Variants in DNAH2 observed in about 807,000 individuals in gnomAD.
DNAH2 encodes axonemal beta dynein heavy chain 2.
A neutral mutation model predicts 523.5 loss-of-function variants in DNAH2; 323 were observed. The observed-to-expected ratio is 0.62, with a 90% CI of 0.56 to 0.68. The LOEUF is 0.68. DNAH2 is among the 30% of genes least tolerant of loss of function. The pLI, the probability that DNAH2 is intolerant of heterozygous loss-of-function variation, is 0.00. For synonymous variants in DNAH2, 2,093 were observed against 2,177.4 expected, an observed-to-expected ratio of 0.96 and a Z score of 1.08; for missense variants, 4,907 against 5,701.5, an observed-to-expected ratio of 0.86 and a Z score of 4.49.
At chr17:7,739,966 C>T (rs868077218) in intron 9 of DNAH2, 28 bp downstream of exon 9, 10 of 1,604,436 alleles carry the variant, frequency 6.2e-6, no homozygotes, top group South Asian at 2.2e-5. Context: ...TGATGCCAGG[C>T]GTGGGCAGGG....
chr17:7,743,259 G>C (rs1276076820), intron 12 of DNAH2, 117 bp downstream of exon 12: 1 of 1,108,306 alleles, frequency 9.0e-7, no homozygotes, highest in Non-Finnish European at 1.3e-6. Context: ...CATACAATAT[G>C]TTTGCTATCG....
At chr17:7,794,491 T>C in intron 49 of DNAH2, 133 bp downstream of exon 49, 1 of 698,422 alleles carries the variant, frequency 1.4e-6, no homozygotes, top group South Asian at 2.2e-5. Context: ...GCTGGGACGA[T>C]CCGTAAGGGC....
intron 24 of DNAH2, 88 bp from the exon 25 acceptor site, chr17:7,770,164 C>T (rs1597600692): frequency 6.9e-7 from 1 of 1,457,608 alleles, no homozygotes; most frequent in Non-Finnish European, 9.1e-7. Context: ...GAATTGGTAA[C>T]TATGCAGAAT....
Position 7,760,837 on chromosome 17 carries a change from G to A in DNAH2, c.2883G>A (p.Met961Ile), listed in dbSNP as rs866224371. Reference protein sequence around the residue: ...LLQNYLKTWDMYREIWEINKD... With the variant: ...LLQNYLKTWDIYREIWEINKD... ...AGAACTACCTCAAGACCTGGGACAT[G>A]TACCGGGAGATCTGGGAGATCAACA... The change falls in exon 18 of 86, where the codon ATG becomes ATA. Residue 961 changes from methionine to isoleucine, a missense_variant. By Grantham distance (10) the Met-to-Ile change is conservative (BLOSUM62 1). Coordinates refer to ENST00000572933, the MANE Select transcript of DNAH2 (RefSeq NM_020877.5). This position sits in a 1 kb window ranked among gnomAD's most constrained non-coding sequence, Gnocchi z 4.0. 2 of 1,614,212 alleles carry A rather than the reference G, an allele frequency of 1.2e-6. No homozygotes were observed. The highest frequency in any genetic ancestry group is 8.5e-7 in the Non-Finnish European group (1 of 1,180,050).
intron 13 of DNAH2, 48 bp from the exon 14 acceptor site, chr17:7,758,447 A>G: frequency 6.3e-7 from 1 of 1,575,874 alleles, no homozygotes; most frequent in Non-Finnish European, 8.6e-7. Flanking sequence ...TGGAGGAAAG[A>G]TCTTCAGGGC....
Position 7,760,720 on chromosome 17 carries a change from T to A in DNAH2, c.2786-20T>A. The A allele has an allele frequency of 6.2e-7, 1 of 1,603,788 alleles. No individual in the cohort carries two copies. On this transcript the variant is annotated intron_variant, in intron 17 of 85. Transcript: ENST00000572933. This position sits in a 1 kb window ranked among gnomAD's most constrained non-coding sequence, Gnocchi z 4.0. ...TTGGGGTGGAAGTCAGTGAGAAGCA[T>A]CTTTCTTGGTCCTTTGAAGAGCAAG...
At position 7,731,197 on chromosome 17, in the gene DNAH2, T is replaced by C. The variant is rs1016273103; in HGVS notation, c.400-1890T>C. 1.3e-4 allele frequency among the ~76,000 whole-genome samples: 19 copies of C among 151,328 alleles called. No homozygotes were observed. The South Asian group carries it at 3.8e-3, about 30-fold the overall frequency. On this transcript the variant is annotated intron_variant, in intron 4 of 85. Transcript: ENST00000572933. ...AAATCAATGCCATGAAAGAAAAAGGTTGGGGAGTGCTTTAAAATTAAAGGA... is the reference window on the plus strand; with the variant it reads ...AAATCAATGCCATGAAAGAAAAAGGCTGGGGAGTGCTTTAAAATTAAAGGA...
At chr17:7,797,132 G>C in intron 50 of DNAH2, 44 bp from the exon 51 acceptor site, 1 of 1,505,352 alleles carries the variant, frequency 6.6e-7, no homozygotes, top group Non-Finnish European at 9.1e-7. Context: ...CTTCTGGAGG[G>C]AATCTTTTTG....
At chr17:7,812,337 G>A (rs765962466) in intron 63 of DNAH2, among the ~76,000 whole-genome samples, 1 of 152,136 alleles carries the variant, frequency 6.6e-6, no homozygotes, top group Non-Finnish European at 1.5e-5. Flanking sequence ...CACCATTCAG[G>A]CTGGGCTTGG....
chr17:7,802,811 G>A (rs1376596190), intron 58 of DNAH2, among the ~76,000 whole-genome samples: 3 of 150,686 alleles, frequency 2.0e-5, no homozygotes, highest in East Asian at 2.0e-4. Flanking sequence ...TTACAGGCAC[G>A]CGCCACCATG....
Position 7,778,098 on chromosome 17 carries a change from C to T in DNAH2, c.5269C>T (p.Arg1757Cys), listed in dbSNP as rs143438913. Residue 1757 changes from arginine (R) to cysteine (C), a missense_variant, in exon 34 of 86, where the codon CGC (arginine) becomes TGC (cysteine). Arg to Cys is a radical substitution (Grantham distance 180). Transcript: ENST00000572933. ...CCAGGATCTTGATGACTGTGTCATC[C>T]GCCAGACCAACACGCAATTTCAGTA... Reference protein sequence around the residue: ...WEKDLDDCVIRQTNTQFQYNY... With the variant: ...WEKDLDDCVICQTNTQFQYNY... The T allele has an allele frequency of 1.6e-5, 26 of 1,613,992 alleles. No homozygotes were observed. Among genetic ancestry groups the T allele is most frequent in the African/African-American group, 2.7e-5 (2 of 74,892 alleles).
intron 3 of DNAH2, among the ~76,000 whole-genome samples, chr17:7,725,557 C>T (rs1319324014): frequency 2.7e-5 from 4 of 150,938 alleles, no homozygotes; most frequent in East Asian, 2.0e-4. Flanking sequence ...CTCAGCCTCC[C>T]GAGTAGCTGG....
intron 4 of DNAH2, among the ~76,000 whole-genome samples, chr17:7,729,392 A>C (rs1175330765): frequency 1.3e-5 from 2 of 151,914 alleles, no homozygotes; most frequent in African/African-American, 4.8e-5. Context: ...AAAAAGAAAA[A>C]AAAAAAAAGA....
intron 48 of DNAH2, 46 bp downstream of exon 48, chr17:7,793,251 G>T: frequency 2.5e-6 from 4 of 1,585,280 alleles, no homozygotes; most frequent in Non-Finnish European, 3.4e-6. Flanking sequence ...CTCCTTCTGG[G>T]ATAGGCTCAG....
At chr17:7,761,276 T>TTTGTTTGAGACAGGATC (rs1483383827) in intron 18 of DNAH2, among the ~76,000 whole-genome samples, 1 of 152,052 alleles carries the variant, frequency 6.6e-6, no homozygotes, top group East Asian at 1.9e-4. Flanking sequence ...TTTGTTTTAT[T>TTTGTTTGAGACAGGATC]TTGTTTGAGA....
intron 1 of DNAH2, among the ~76,000 whole-genome samples, chr17:7,719,318 G>A (rs1164182060): frequency 6.6e-6 from 1 of 151,948 alleles, no homozygotes; most frequent in Admixed American, 6.6e-5. Flanking sequence ...TAGTAGAGAC[G>A]GGGTTTTGCC....
At chr17:7,771,724 A>T (rs186429794) in intron 28 of DNAH2, among the ~76,000 whole-genome samples, 2,148 of 151,254 alleles carry the variant, frequency 0.014, 35 homozygotes, top group African/African-American at 0.042. Flanking sequence ...TATTAAAAAA[A>T]ATTTTTTTTT....
chr17:7,824,487 C>T, intron 76 of DNAH2, 50 bp from the exon 77 acceptor site: 1 of 1,470,544 alleles, frequency 6.8e-7, no homozygotes. Context: ...AGCATGAGGA[C>T]AGGCAGGGCT....
chr17:7,777,153 G>C (rs2076478317), intron 32 of DNAH2, among the ~76,000 whole-genome samples: 1 of 150,578 alleles, frequency 6.6e-6, no homozygotes, highest in Admixed American at 6.7e-5. Context: ...AGAAAGAAAA[G>C]AAAAGAAAAG....
Sources: allele counts gnomAD v4.1 joint callset (sites outside exome capture counted in the v4.1 genomes callset), GRCh38; gene constraint gnomAD v4.1.1; non-coding constraint Gnocchi (gnomAD v3.1); transcripts MANE v1.5; gene names NCBI Gene and HGNC (gene_info 2026-07-23, HGNC 2026-07-21).